Variants in LUZP2 observed in about 807,000 individuals in gnomAD.
LUZP2 encodes leucine zipper protein 2.
In LUZP2, 52 loss-of-function variants were observed where a neutral mutation model predicts 51.6. That is an observed-to-expected ratio of 1.01 (90% CI 0.81 to 1.27). The LOEUF is 1.27. LUZP2 is among the 50% of genes most tolerant of loss of function. The pLI, the probability that LUZP2 is intolerant of heterozygous loss-of-function variation, is 0.00. For missense variants in LUZP2, 436 were observed against 395.4 expected, an observed-to-expected ratio of 1.10 and a Z score of -0.87; for synonymous variants, 154 against 137.3, an observed-to-expected ratio of 1.12 and a Z score of -0.85.
At chr11:24,968,375 A>G (rs1033170119) in intron 7 of LUZP2, among the ~76,000 whole-genome samples, 1 of 152,154 alleles carries the variant, frequency 6.6e-6, no homozygotes, top group Non-Finnish European at 1.5e-5. Flanking sequence ...AAATTTGCAT[A>G]CAAAATCAGT....
At chr11:25,007,632 A>G (rs1856870124) in intron 9 of LUZP2, among the ~76,000 whole-genome samples, 1 of 152,016 alleles carries the variant, frequency 6.6e-6, no homozygotes, top group African/African-American at 2.4e-5. Flanking sequence ...AAACAAAACA[A>G]AACAACACTA....
In LUZP2 at chr11:24,497,258, A is replaced by T; in HGVS notation, c.15A>T (p.Pro5=). 1 of 1,564,066 alleles carries T rather than the reference A, an allele frequency of 6.4e-7. No individual in the cohort carries two copies. Among genetic ancestry groups the T allele is most frequent in the Non-Finnish European group, 8.7e-7 (1 of 1,153,286 alleles). Residue 5 remains proline, a synonymous_variant, in exon 1 of 12, where the codon CCA becomes CCT. Coordinates refer to ENST00000336930, the MANE Select transcript of LUZP2 (RefSeq NM_001009909.4). ...CAGGCAGCAGCATGAAATTCAGCCC[A>T]GCGCACTACCTGCTGCCTCTCCTGC... MKFS[P]AHYLLPLLPA... is the part of the protein sequence containing the mutation.
At chr11:24,545,456 T>C (rs1410533617) in intron 1 of LUZP2, among the ~76,000 whole-genome samples, 1 of 151,930 alleles carries the variant, frequency 6.6e-6, no homozygotes, top group Non-Finnish European at 1.5e-5. Flanking sequence ...TTGTATACTA[T>C]GTGGTGTAAA....
intron 2 of LUZP2, 22 bp from the exon 3 acceptor site, chr11:24,732,096 A>G: frequency 6.3e-7 from 1 of 1,591,390 alleles, no homozygotes; most frequent in Non-Finnish European, 8.6e-7. Flanking sequence ...ATAAAACTTC[A>G]TTTTTCCACT....
At chr11:24,558,817 G>A (rs1851947836) in intron 1 of LUZP2, among the ~76,000 whole-genome samples, 1 of 152,168 alleles carries the variant, frequency 6.6e-6, no homozygotes, top group Non-Finnish European at 1.5e-5. Context: ...TGCCATGTAA[G>A]AGCAGACACC....
chr11:24,834,182 C>T (rs1481740227), intron 5 of LUZP2, among the ~76,000 whole-genome samples: 1 of 151,936 alleles, frequency 6.6e-6, no homozygotes, highest in Non-Finnish European at 1.5e-5. Context: ...CACCTATCAA[C>T]CTGTCATCTA....
chr11:24,613,462 G>A (rs1208190501), intron 1 of LUZP2, among the ~76,000 whole-genome samples: 1 of 151,994 alleles, frequency 6.6e-6, no homozygotes, highest in Non-Finnish European at 1.5e-5. Context: ...AGCATATGTA[G>A]TTAAATTTTA....
intron 5 of LUZP2, among the ~76,000 whole-genome samples, chr11:24,880,764 G>T (rs941634487): frequency 7.3e-5 from 11 of 151,256 alleles, no homozygotes; most frequent in African/African-American, 2.7e-4. Flanking sequence ...GTATGTGTAT[G>T]TGTGTGTGTA....
intron 5 of LUZP2, among the ~76,000 whole-genome samples, chr11:24,784,032 C>T (rs1471860): frequency 0.76 from 115,989 of 151,696 alleles, 44,592 homozygotes; most frequent in East Asian, 0.86. Flanking sequence ...GCCTTTCTTG[C>T]GTGGCTTCAT....
At chr11:24,876,264 T>C (rs1197915800) in intron 5 of LUZP2, among the ~76,000 whole-genome samples, 1 of 149,654 alleles carries the variant, frequency 6.7e-6, no homozygotes, top group Non-Finnish European at 1.5e-5. Context: ...CATCTTGAAT[T>C]AATTTTTGTA....
At chr11:24,722,120 A>ATTAACTAAT (rs1423516460) in intron 1 of LUZP2, among the ~76,000 whole-genome samples, 1 of 152,216 alleles carries the variant, frequency 6.6e-6, no homozygotes, top group African/African-American at 2.4e-5. Context: ...AAATAAGTAA[A>ATTAACTAAT]TTAACTAATT....
rs184632950 is a variant in LUZP2, at chr11:24,815,807, G to A, written c.396+52499G>A. On this transcript the variant is annotated intron_variant, in intron 5 of 11. Transcript: ENST00000336930. ...GCTTGTCAAAATGTCCCTTATAAAA[G>A]AGAGTACTGATCTCAGTCTCCATCC... is the stretch of plus-strand genomic sequence containing the variant. 2.0e-5 allele frequency among the ~76,000 whole-genome samples: 3 copies of A among 152,166 alleles called. No individual in the cohort carries two copies. In the East Asian group the frequency reaches 5.8e-4, roughly 29 times the overall value.
chr11:24,950,137 G>T (rs936380320), intron 7 of LUZP2, among the ~76,000 whole-genome samples: 2 of 151,212 alleles, frequency 1.3e-5, no homozygotes, highest in South Asian at 2.1e-4. Context: ...GGAATTTATG[G>T]ATAATAGAAT....
At chr11:24,766,534 G>C (rs1011476724) in intron 5 of LUZP2, among the ~76,000 whole-genome samples, 1 of 152,148 alleles carries the variant, frequency 6.6e-6, no homozygotes, top group African/African-American at 2.4e-5. Context: ...TGCTGGGTAA[G>C]ATGTGAATAC....
At position 24,786,468 on chromosome 11, in the gene LUZP2, A is replaced by G. The variant is rs1472219023; in HGVS notation, c.396+23160A>G. ...ATTCTGCGTAAATATCATATTAACG[A>G]CTGCCTATTTGTAACACCTTCCCCT... is the stretch of plus-strand genomic sequence containing the variant. On this transcript the variant is annotated intron_variant, in intron 5 of 11. Coordinates refer to ENST00000336930, the MANE Select transcript of LUZP2 (RefSeq NM_001009909.4). 3 of 981,374 alleles carry G rather than the reference A, an allele frequency of 3.1e-6. No individual in the cohort carries two copies. In the East Asian group the frequency reaches 3.4e-4, roughly 112 times the overall value. The allele number at this position is 981,374 out of a possible 1,614,324, so 60.8% of individuals were successfully genotyped here.
intron 1 of LUZP2, among the ~76,000 whole-genome samples, chr11:24,596,277 T>C (rs182997250): frequency 6.6e-6 from 1 of 152,326 alleles, no homozygotes. Context: ...TTCCTATGTG[T>C]CTACAAATAC....
intron 1 of LUZP2, among the ~76,000 whole-genome samples, chr11:24,552,758 C>A (rs1053671830): frequency 2.6e-5 from 4 of 151,500 alleles, no homozygotes; most frequent in Admixed American, 6.6e-5. Context: ...AAAACAAAGC[C>A]CTCTGGGTAA....
chr11:24,510,803 G>A (rs1381931312), intron 1 of LUZP2, among the ~76,000 whole-genome samples: 1 of 151,916 alleles, frequency 6.6e-6, no homozygotes, highest in Non-Finnish European at 1.5e-5. Flanking sequence ...ATATTTGTGG[G>A]CCAAGAAAGT....
intron 1 of LUZP2, among the ~76,000 whole-genome samples, chr11:24,699,247 A>T (rs900721679): frequency 6.6e-6 from 1 of 152,012 alleles, no homozygotes; most frequent in African/African-American, 2.4e-5. Context: ...TTCACCATAA[A>T]TTTTATGTTT....
Sources: gnomAD v4.1 joint callset for allele counts (sites outside exome capture counted in the v4.1 genomes callset) on GRCh38, gnomAD v4.1.1 for gene constraint, MANE v1.5 for transcripts, NCBI Gene and HGNC (gene_info 2026-07-23, HGNC 2026-07-21) for gene names.